ARL15: variants seen among roughly 807,000 people sequenced by gnomAD.
ARL15 encodes ADP-ribosylation factor-like protein 15.
A neutral mutation model predicts 25.2 loss-of-function variants in ARL15; 19 were observed. That is an observed-to-expected ratio of 0.75 (90% CI 0.53 to 1.10). The LOEUF (loss-of-function observed/expected upper bound fraction) is 1.10, where lower values mean the gene tolerates loss of function less well. Among genes scored for constraint, ARL15 ranks in the 50% least tolerant of loss-of-function variants. ARL15 has a pLI of 0.00. For synonymous variants in ARL15, 94 were observed against 86.8 expected (o/e 1.08, Z -0.46); for missense variants, 220 against 246.0 (o/e 0.89, Z 0.71).
chr5:54,013,918 C>T (rs1022083051), intron 4 of ARL15, among the ~76,000 whole-genome samples: 2 of 152,148 alleles, frequency 1.3e-5, no homozygotes, highest in Non-Finnish European at 2.9e-5. Context: ...TAATAACTCC[C>T]ATCCTTCCAC....
chr5:54,121,096 C>T (rs1753060625), intron 3 of ARL15, among the ~76,000 whole-genome samples: 1 of 152,108 alleles, frequency 6.6e-6, no homozygotes. Context: ...ATACTATAAG[C>T]CTTGATGTTC....
intron 4 of ARL15, among the ~76,000 whole-genome samples, chr5:54,044,526 T>C (rs1690153090): frequency 6.6e-6 from 1 of 152,184 alleles, no homozygotes; most frequent in African/African-American, 2.4e-5. Context: ...ATTACAGGCG[T>C]GACCCACTGC....
intron 1 of ARL15, among the ~76,000 whole-genome samples, chr5:54,303,370 A>C (rs1476346347): frequency 1.3e-5 from 2 of 152,034 alleles, no homozygotes; most frequent in Non-Finnish European, 2.9e-5. Context: ...AAAAAATACA[A>C]AAACTAACCA....
chr5:54,115,371 C>A (rs1440705372), intron 3 of ARL15, among the ~76,000 whole-genome samples: 1 of 152,068 alleles, frequency 6.6e-6, no homozygotes, highest in African/African-American at 2.4e-5. Flanking sequence ...CTAGGCTGGA[C>A]TCAAGACTCA....
intron 1 of ARL15, among the ~76,000 whole-genome samples, chr5:54,268,256 C>T (rs1311211124): frequency 6.6e-5 from 10 of 152,172 alleles, no homozygotes; most frequent in African/African-American, 2.4e-4. Context: ...CAGTTGATCG[C>T]ATCGGCTCCT....
chr5:54,184,628 A>T (rs1164285913), intron 1 of ARL15, among the ~76,000 whole-genome samples: 1 of 151,568 alleles, frequency 6.6e-6, no homozygotes, highest in Non-Finnish European at 1.5e-5. Context: ...AAAAAAAAAA[A>T]AAAAAAGGAA....
chr5:53,895,858 A>C (rs1412384134), intron 4 of ARL15, among the ~76,000 whole-genome samples: 1 of 152,162 alleles, frequency 6.6e-6, no homozygotes, highest in Non-Finnish European at 1.5e-5. Flanking sequence ...AAACATCCCC[A>C]AGTGGTTGAG....
chr5:53,996,308 A>C (rs1466671780), intron 4 of ARL15, among the ~76,000 whole-genome samples: 2 of 152,130 alleles, frequency 1.3e-5, no homozygotes, highest in African/African-American at 2.4e-5. Flanking sequence ...TGCATGTGTG[A>C]TCATACTCAA....
At chr5:54,260,327 T>C (rs1251709326) in intron 1 of ARL15, among the ~76,000 whole-genome samples, 2 of 152,178 alleles carry the variant, frequency 1.3e-5, no homozygotes, top group Admixed American at 6.6e-5. Context: ...CCTTCAACCA[T>C]TATCATAACA....
chr5:54,302,683 ATTT>A (rs372704359), intron 1 of ARL15, among the ~76,000 whole-genome samples: 926 of 77,804 alleles, frequency 0.012, 14 homozygotes, highest in South Asian at 0.035. Context: ...TAAAATTAAG[ATTT>A]TTTTTTTTTT....
intron 1 of ARL15, among the ~76,000 whole-genome samples, chr5:54,198,674 A>ATGC (rs1212947903): frequency 6.6e-6 from 1 of 151,216 alleles, no homozygotes; most frequent in African/African-American, 2.4e-5. Context: ...AGAACATTCC[A>ATGC]TGCTCATGGG....
At chr5:53,990,249 A>T (rs201209656) in intron 4 of ARL15, among the ~76,000 whole-genome samples, 1 of 21,312 alleles carries the variant, frequency 4.7e-5, no homozygotes, top group Non-Finnish European at 1.1e-4. Flanking sequence ...AAAAATAGTT[A>T]AAAAAAAACA....
chr5:53,906,174 ATACT>A lies in ARL15; in HGVS notation c.463-19465_463-19462del, dbSNP rs139830195. Among the ~76,000 whole-genome samples the A allele has an allele frequency of 3.8e-3, 578 of 152,304 alleles. 6 individuals carry two copies. Among genetic ancestry groups the A allele is most frequent in the African/African-American group, 0.013 (545 of 41,556 alleles). On this transcript the variant is annotated intron_variant, in intron 4 of 4. Transcript: ENST00000504924. ...GCTGAAATCTCCTGCAGCTGCTGAA[ATACT>A]TGAATTCTGACTTCTTATATGAAGT... is the stretch of plus-strand genomic sequence containing the variant.
intron 4 of ARL15, among the ~76,000 whole-genome samples, chr5:53,941,576 CT>C (rs2112086324): frequency 6.6e-6 from 1 of 152,314 alleles, no homozygotes; most frequent in South Asian, 2.1e-4. Context: ...TAACACAAGT[CT>C]TTTCAGAAAC....
intron 3 of ARL15, among the ~76,000 whole-genome samples, chr5:54,120,460 T>C (rs996467168): frequency 2.6e-5 from 4 of 152,224 alleles, no homozygotes; most frequent in Non-Finnish European, 5.9e-5. Flanking sequence ...TTTTTGATTC[T>C]ATCCTATTTA....
intron 4 of ARL15, among the ~76,000 whole-genome samples, chr5:54,019,850 G>A (rs1749539447): frequency 6.6e-6 from 1 of 152,142 alleles, no homozygotes; most frequent in Admixed American, 6.5e-5. Context: ...TAAAAAACCA[G>A]ACCTATACTT....
intron 4 of ARL15, among the ~76,000 whole-genome samples, chr5:54,040,999 G>C (rs546046868): frequency 9.3e-4 from 141 of 152,292 alleles, no homozygotes; most frequent in African/African-American, 3.3e-3. Context: ...GTGTAGAGCA[G>C]ACTTGGTCAC....
chr5:54,118,475 T>C (rs1414424976), intron 3 of ARL15, among the ~76,000 whole-genome samples: 1 of 152,208 alleles, frequency 6.6e-6, no homozygotes, highest in African/African-American at 2.4e-5. Context: ...ATTATTCTTT[T>C]ATAAAAATTT....
chr5:54,043,834 G>A (rs1206375372), intron 4 of ARL15, among the ~76,000 whole-genome samples: 7 of 144,176 alleles, frequency 4.9e-5, no homozygotes, highest in Middle Eastern at 3.5e-3. Flanking sequence ...AACATGGCAA[G>A]ACCCCATCTC....
Sources: gnomAD v4.1 joint callset for allele counts (sites outside exome capture counted in the v4.1 genomes callset) on GRCh38, gnomAD v4.1.1 for gene constraint, MANE v1.5 for transcripts, NCBI Gene and HGNC (gene_info 2026-07-23, HGNC 2026-07-21) for gene names.